The following NIN variants were observed in gnomAD, a reference collection of about 807,000 sequenced individuals.
NIN encodes the protein glycogen synthase kinase 3 beta-interacting protein.
NIN carries 137 observed loss-of-function variants against 257.6 expected under a neutral mutation model. That is an observed-to-expected ratio of 0.53 (90% confidence interval 0.46 to 0.61). The LOEUF (loss-of-function observed/expected upper bound fraction) is 0.61, where lower values mean the gene tolerates loss of function less well. NIN is among the 20% of genes least tolerant of loss of function. NIN has a pLI of 0.00. For missense variants in NIN, 2,439 were observed against 2,501.2 expected, an observed-to-expected ratio of 0.98 and a Z score of 0.53; for synonymous variants, 918 against 919.8, an observed-to-expected ratio of 1.00 and a Z score of 0.04.
chr14:50,778,758 C>G lies in NIN; in HGVS notation c.475+7G>C. 6.2e-7 allele frequency: 1 copy of G among 1,614,028 alleles called. No homozygotes were observed. Among genetic ancestry groups the G allele is most frequent in the Non-Finnish European group, 8.5e-7 (1 of 1,179,978 alleles). ...TCCAGGCACGTCCTGACACACTCGG[C>G]TCTTACCTTCCGCTTCATACTCCTC... On this transcript the variant is annotated splice_region_variant and intron_variant, in intron 6 of 30. Coordinates refer to ENST00000530997, the MANE Select transcript of NIN (RefSeq NM_020921.4).
At position 50,779,753 on chromosome 14, in the gene NIN, G is replaced by A. The variant is rs1295108157; in HGVS notation, c.436-949C>T. Reference sequence around the variant, plus strand: ...AGCCTGGGCAACAGAGCGAGACTCCGTCTCAAAAAAAAAAAAAGAAAAGAA... The same window carrying A: ...AGCCTGGGCAACAGAGCGAGACTCCATCTCAAAAAAAAAAAAAGAAAAGAA... On this transcript the variant is annotated intron_variant, in intron 5 of 30. Coordinates refer to ENST00000530997, the MANE Select transcript of NIN (RefSeq NM_020921.4). 4.7e-5 allele frequency among the ~76,000 whole-genome samples: 7 copies of A among 149,962 alleles called. No individual in the cohort carries two copies. In the East Asian group the frequency reaches 5.9e-4, roughly 13 times the overall value.
intron 3 of NIN, 56 bp from the exon 4 acceptor site, chr14:50,806,874 C>T (rs2044353645): frequency 1.2e-6 from 1 of 850,964 alleles, no homozygotes; most frequent in Admixed American, 2.2e-5. Flanking sequence ...AGAATGCAAA[C>T]CTATCTACAA....
chr14:50,791,807 G>GCACACACACACACACACACA (rs373370758), intron 5 of NIN, among the ~76,000 whole-genome samples: 7 of 116,702 alleles, frequency 6.0e-5, no homozygotes, highest in South Asian at 2.4e-4. Context: ...AGGTGCACGC[G>GCACACACACACACACACACA]CACACACACA....
Position 50,827,770 on chromosome 14 carries a change from A to G in NIN, c.-22+2694T>C, listed in dbSNP as rs1489505047. 1.6e-4 allele frequency among the ~76,000 whole-genome samples: 24 copies of G among 151,138 alleles called. No individual in the cohort carries two copies. The East Asian group carries it at 4.4e-3, about 28-fold the overall frequency. ...AGACTCCGTATCAAAAAAAAAAAAA[A>G]AAAGAAAGAAAAAGAAAAATAACAA... is the stretch of plus-strand genomic sequence containing the variant. On this transcript the variant is annotated intron_variant, in intron 2 of 30. Coordinates refer to ENST00000530997, the MANE Select transcript of NIN (RefSeq NM_020921.4).
intron 4 of NIN, chr14:50,806,492 T>TTGCCACACCATCTGACATAC (rs2044332011): frequency 5.2e-6 from 2 of 386,568 alleles, no homozygotes; most frequent in Admixed American, 4.6e-5. Flanking sequence ...GAATGAGTTA[T>TTGCCACACCATCTGACATAC]TGCCTAGAAA....
At chr14:50,800,591 G>A (rs1390102621) in intron 4 of NIN, among the ~76,000 whole-genome samples, 1 of 152,030 alleles carries the variant, frequency 6.6e-6, no homozygotes, top group Non-Finnish European at 1.5e-5. Flanking sequence ...GAGTAGCATG[G>A]ATTAGCCAAA....
rs1017481585 is a variant in NIN, at chr14:50,723,628, A to T, written c.6237T>A (p.Tyr2079Ter). 5 of 1,613,762 alleles carry T rather than the reference A, an allele frequency of 3.1e-6. No individual in the cohort carries two copies. The highest frequency in any genetic ancestry group is 2.7e-5 in the African/African-American group (2 of 74,902). ...TKADAMVKDL[Y>*]VENAQLLKAL... ...CTTTCAACAACTGGGCATTTTCAAC[A>T]TACAAGTCCTTCACCATTGCGTCTG... The change falls in exon 31 of 31, where the codon TAT becomes TAA. Residue 2079 changes from tyrosine (Y) to a stop codon, truncating the protein, a stop_gained. Transcript: ENST00000530997. LOFTEE classifies it high-confidence loss of function.
Position 50,738,117 on chromosome 14 carries a change from G to A in NIN, c.5775+23C>T, listed in dbSNP as rs758634039. On this transcript the variant is annotated intron_variant, in intron 27 of 30. Transcript: ENST00000530997. ...CATTATAGTGAGAACACAGATGTACGCCATATATTCTCAAAAACTCACCTT... is the reference window on the plus strand; with the variant it reads ...CATTATAGTGAGAACACAGATGTACACCATATATTCTCAAAAACTCACCTT... 9 of 1,611,360 alleles carry A rather than the reference G, an allele frequency of 5.6e-6. No homozygotes were observed. The East Asian group carries it at 6.7e-5, about 12-fold the overall frequency.
intron 25 of NIN, among the ~76,000 whole-genome samples, 196 bp downstream of exon 25, chr14:50,741,386 A>C (rs1049697324): frequency 6.6e-6 from 1 of 152,218 alleles, no homozygotes; most frequent in Non-Finnish European, 1.5e-5. Flanking sequence ...TACCAACTGG[A>C]GGGAACAAGA....
chr14:50,743,281 C>G (rs2041376791), intron 24 of NIN, 135 bp downstream of exon 24: 1 of 635,042 alleles, frequency 1.6e-6, no homozygotes, highest in South Asian at 1.8e-5. Flanking sequence ...AAACACACAT[C>G]AAACATTGGT....
intron 5 of NIN, among the ~76,000 whole-genome samples, chr14:50,785,789 C>T (rs754175845): frequency 1.3e-5 from 2 of 152,186 alleles, no homozygotes; most frequent in Non-Finnish European, 2.9e-5. Context: ...CCCGGCAGGG[C>T]TGGCTATTGT....
intron 2 of NIN, among the ~76,000 whole-genome samples, chr14:50,827,927 T>A (rs992641163): frequency 1.3e-5 from 2 of 151,296 alleles, no homozygotes; most frequent in Non-Finnish European, 2.9e-5. Flanking sequence ...ACCTAATAAC[T>A]GGTAGATTAC....
chr14:50,778,823 G>A lies in NIN; in HGVS notation c.436-19C>T. 1 of 1,613,654 alleles carries A rather than the reference G, an allele frequency of 6.2e-7. No homozygotes were observed. Among genetic ancestry groups the A allele is most frequent in the Non-Finnish European group, 8.5e-7 (1 of 1,179,586 alleles). On this transcript the variant is annotated intron_variant, in intron 5 of 30. Transcript: ENST00000530997. ...TCCAGTGCTAGAGAAGGCAAGAGAA[G>A]ATTAGTGTGCTTTAGAACTTATTCA...
At chr14:50,767,408 T>C (rs1326646564) in intron 12 of NIN, among the ~76,000 whole-genome samples, 1 of 152,246 alleles carries the variant, frequency 6.6e-6, no homozygotes, top group East Asian at 1.9e-4. Context: ...TTGGACAGCA[T>C]TGCAGTAGAA....
At position 50,757,344 on chromosome 14, in the gene NIN, G is replaced by C. The variant is rs1330659126; in HGVS notation, c.3686C>G (p.Ser1229Cys). The part of the protein sequence containing the change: ...EKKQDLLFDV[S>C]VLKKKLKMLE... Reference sequence around the variant, plus strand: ...CATCTTCAGTTTCTTTTTTAGCACAGAAACATCAAAAAGTAGGTCCTGTTT... The same window carrying C: ...CATCTTCAGTTTCTTTTTTAGCACACAAACATCAAAAAGTAGGTCCTGTTT... The change falls in exon 18 of 31, where the codon TCT becomes TGT. Residue 1229 changes from serine (S) to cysteine (C), a missense_variant. Ser to Cys is a moderately radical substitution (Grantham distance 112). Coordinates refer to ENST00000530997, the MANE Select transcript of NIN (RefSeq NM_020921.4). 1 of 1,613,342 alleles carries C rather than the reference G, an allele frequency of 6.2e-7. No individual in the cohort carries two copies. The highest frequency in any genetic ancestry group is 1.3e-5 in the African/African-American group (1 of 74,766).
intron 3 of NIN, among the ~76,000 whole-genome samples, chr14:50,820,935 T>C (rs2045185726): frequency 6.6e-6 from 1 of 152,090 alleles, no homozygotes; most frequent in South Asian, 2.1e-4. Context: ...TAAAAGACAG[T>C]GAAAATGAAA....
chr14:50,785,261 G>T (rs901270692), intron 5 of NIN, among the ~76,000 whole-genome samples: 30 of 152,264 alleles, frequency 2.0e-4, no homozygotes, highest in South Asian at 6.2e-4. Flanking sequence ...CCAACGCCGG[G>T]CCAGCATCTG....
At chr14:50,797,050 A>G (rs532475464) in intron 4 of NIN, among the ~76,000 whole-genome samples, 2 of 152,348 alleles carry the variant, frequency 1.3e-5, no homozygotes, top group Admixed American at 6.5e-5. Flanking sequence ...TAAGCTCAGG[A>G]CCTGGAATGG....
rs150447487 is a variant in NIN at position 50,765,889 on chromosome 14, T to C, written c.1635+418A>G. Among the ~76,000 whole-genome samples the C allele has an allele frequency of 5.4e-3, 819 of 151,572 alleles. 4 individuals are homozygous for C. The highest frequency in any genetic ancestry group is 0.019 in the African/African-American group (771 of 41,418). ...TATACTTTAAGCTTTAGGGTACATG[T>C]GCACATTGTGCAGGTTAGTTACATA... On this transcript the variant is annotated intron_variant, in intron 14 of 30. Coordinates refer to ENST00000530997, the MANE Select transcript of NIN (RefSeq NM_020921.4).
Sources: allele counts gnomAD v4.1 joint callset (sites outside exome capture counted in the v4.1 genomes callset), GRCh38; gene constraint gnomAD v4.1.1; transcripts MANE v1.5; gene names NCBI Gene and HGNC (gene_info 2026-07-23, HGNC 2026-07-21).